The following ROBO1 variants were observed in gnomAD, a reference collection of about 807,000 sequenced individuals.
ROBO1 encodes the protein roundabout homolog 1.
A neutral mutation model predicts 195.9 loss-of-function variants in ROBO1; 149 were observed. That is an observed-to-expected ratio of 0.76 (90% CI 0.67 to 0.87). The LOEUF (loss-of-function observed/expected upper bound fraction) is 0.87, where lower values mean the gene tolerates loss of function less well. Among genes scored for constraint, ROBO1 ranks in the 40% least tolerant of loss-of-function variants. The pLI, the probability that ROBO1 is intolerant of heterozygous loss-of-function variation, is 0.00. For missense variants in ROBO1, 1,933 were observed against 2,068.3 expected (o/e 0.93, Z 1.27); for synonymous variants, 816 against 733.2 (o/e 1.11, Z -1.82).
intron 2 of ROBO1, among the ~76,000 whole-genome samples, chr3:79,187,789 AC>A (rs2081467554): frequency 6.6e-6 from 1 of 152,146 alleles, no homozygotes; most frequent in Middle Eastern, 3.4e-3. Flanking sequence ...ATTCACAGAA[AC>A]AAACCTGAAT....
chr3:78,642,463 T>A (rs1420380946), intron 21 of ROBO1, among the ~76,000 whole-genome samples: 2 of 152,170 alleles, frequency 1.3e-5, no homozygotes, highest in East Asian at 3.9e-4. Flanking sequence ...AAGGGCTAGA[T>A]CTCAGAATTG....
intron 1 of ROBO1, among the ~76,000 whole-genome samples, chr3:79,711,254 G>T (rs548396515): frequency 6.6e-6 from 1 of 152,140 alleles, no homozygotes; most frequent in South Asian, 2.1e-4. Flanking sequence ...GTTTCCTTGT[G>T]CATAATACAG....
chr3:79,615,938 C>A (rs897805143), intron 1 of ROBO1, among the ~76,000 whole-genome samples: 16 of 152,138 alleles, frequency 1.1e-4, no homozygotes, highest in African/African-American at 3.6e-4. Flanking sequence ...AGTTACAGGC[C>A]CAAGGGAAAA....
intron 4 of ROBO1, among the ~76,000 whole-genome samples, chr3:78,887,912 A>G (rs981944484): frequency 7.2e-5 from 11 of 152,084 alleles, no homozygotes; most frequent in Admixed American, 3.9e-4. Context: ...GATACTCAGC[A>G]TCTCCCCAGG....
chr3:79,433,975 C>T (rs1165218771), intron 2 of ROBO1, among the ~76,000 whole-genome samples: 1 of 152,172 alleles, frequency 6.6e-6, no homozygotes. Context: ...AAAGGATTCC[C>T]TATTTAATAA....
At chr3:79,158,284 A>G (rs2080893423) in intron 2 of ROBO1, among the ~76,000 whole-genome samples, 1 of 151,110 alleles carries the variant, frequency 6.6e-6, no homozygotes, top group Admixed American at 6.6e-5. Flanking sequence ...GTTTTAAAAT[A>G]TATTCATTTA....
intron 2 of ROBO1, among the ~76,000 whole-genome samples, chr3:79,503,507 C>T (rs1306746611): frequency 2.0e-5 from 3 of 152,180 alleles, no homozygotes; most frequent in Admixed American, 1.3e-4. Context: ...TACCAGAAAA[C>T]TCTTAGGGAA....
At chr3:79,338,378 T>C (rs953229439) in intron 2 of ROBO1, among the ~76,000 whole-genome samples, 1 of 152,204 alleles carries the variant, frequency 6.6e-6, no homozygotes, top group African/African-American at 2.4e-5. Flanking sequence ...TGTAAGTGCC[T>C]ATTTGCCCAC....
In ROBO1 at chr3:79,409,891, T is replaced by C. The variant is rs116214883; in HGVS notation, c.88+179933A>G. On this transcript the variant is annotated intron_variant, in intron 2 of 30. Coordinates refer to ENST00000464233, the MANE Select transcript of ROBO1 (RefSeq NM_002941.4). ...TATCACAATTGCTGCATTCTTACCA[T>C]CTCACCTCAACTTTCAATTTTTTTT... Among the ~76,000 whole-genome samples the C allele has an allele frequency of 8.4e-3, 1,277 of 152,240 alleles. 21 individuals carry two copies. The highest frequency in any genetic ancestry group is 0.029 in the African/African-American group (1,213 of 41,552).
Position 78,965,140 on chromosome 3 carries a change from G to A in ROBO1, c.173-26213C>T, listed in dbSNP as rs528477154. On this transcript the variant is annotated intron_variant, in intron 3 of 30. Transcript: ENST00000464233. ...TAAACATAGAGTTTACTATTTCAAGGACTATATGTTTCACATTATAATCAA... is the reference window on the plus strand; with the variant it reads ...TAAACATAGAGTTTACTATTTCAAGAACTATATGTTTCACATTATAATCAA... 1.7e-3 allele frequency among the ~76,000 whole-genome samples: 265 copies of A among 151,772 alleles called. 1 individual carries two copies. Among genetic ancestry groups the A allele is most frequent in the Middle Eastern group, 3.4e-3 (1 of 292 alleles).
intron 2 of ROBO1, among the ~76,000 whole-genome samples, chr3:79,156,955 G>A (rs1464248508): frequency 6.6e-6 from 1 of 151,834 alleles, no homozygotes; most frequent in Non-Finnish European, 1.5e-5. Context: ...TTCTTTCAGA[G>A]AGCACACTTC....
intron 4 of ROBO1, among the ~76,000 whole-genome samples, chr3:78,757,457 TCACA>T (rs1240823081): frequency 1.5e-5 from 2 of 134,636 alleles, no homozygotes; most frequent in East Asian, 2.2e-4. Context: ...ACACACACAC[TCACA>T]AACTCACACT....
intron 1 of ROBO1, among the ~76,000 whole-genome samples, chr3:79,591,660 G>T (rs749024199): frequency 1.9e-4 from 29 of 151,840 alleles, no homozygotes; most frequent in Admixed American, 7.9e-4. Flanking sequence ...TCCATACTAT[G>T]CAGTTATTAG....
At chr3:79,310,295 T>A (rs2033420883) in intron 2 of ROBO1, among the ~76,000 whole-genome samples, 1 of 152,176 alleles carries the variant, frequency 6.6e-6, no homozygotes, top group South Asian at 2.1e-4. Context: ...GCTGCTAGTA[T>A]GGAAGAACCT....
At chr3:79,652,199 A>C (rs1946030856) in intron 1 of ROBO1, among the ~76,000 whole-genome samples, 1 of 152,098 alleles carries the variant, frequency 6.6e-6, no homozygotes, top group African/African-American at 2.4e-5. Flanking sequence ...TCTTGGTGAG[A>C]TTCTCCAGGG....
At chr3:79,225,633 G>A (rs2082214307) in intron 2 of ROBO1, among the ~76,000 whole-genome samples, 1 of 152,018 alleles carries the variant, frequency 6.6e-6, no homozygotes, top group Admixed American at 6.6e-5. Context: ...GTATTTCAGG[G>A]GCTGGCTAAT....
rs1261642064 is a variant in ROBO1 at position 78,749,839 on chromosome 3, A to G, written c.500-2939T>C. On this transcript the variant is annotated intron_variant, in intron 4 of 30. Transcript: ENST00000464233. Reference sequence around the variant, plus strand: ...TAACCATTTCTATTAACCAAAGTATATATACTTTTAATGTTTCTTGATTTG... The same window carrying G: ...TAACCATTTCTATTAACCAAAGTATGTATACTTTTAATGTTTCTTGATTTG... 5.3e-5 allele frequency among the ~76,000 whole-genome samples: 8 copies of G among 152,278 alleles called. No homozygotes were observed. In the East Asian group the frequency reaches 1.2e-3, roughly 22 times the overall value.
rs199647716 is a variant in ROBO1 at position 79,609,273 on chromosome 3, G to GA, written c.-50-19313dup. Among the ~76,000 whole-genome samples the GA allele has an allele frequency of 7.1e-3, 999 of 141,402 alleles. 8 individuals carry two copies. The highest frequency in any genetic ancestry group is 0.022 in the African/African-American group (857 of 38,576). The allele number at this position is 141,402 out of a possible 152,430, so 92.8% of individuals were successfully genotyped here. A position where few individuals can be genotyped will look rare whatever the true frequency, so the allele number is the denominator to read the frequency against. ...GTTTGTCTTGCTAGCAACTTCTAAGGAAAAAAAAAACTGAAAAAAAAATTA... is the reference window on the plus strand; with the variant it reads ...GTTTGTCTTGCTAGCAACTTCTAAGGAAAAAAAAAAACTGAAAAAAAAATTA... On this transcript the variant is annotated intron_variant, in intron 1 of 30. Transcript: ENST00000464233.
At chr3:78,618,590 C>A (rs1434966421) in intron 26 of ROBO1, among the ~76,000 whole-genome samples, 5 of 151,834 alleles carry the variant, frequency 3.3e-5, no homozygotes, top group Non-Finnish European at 7.4e-5. Flanking sequence ...GACATAATTT[C>A]CTTTAGATTT....
Sources: gnomAD v4.1 joint callset for allele counts (sites outside exome capture counted in the v4.1 genomes callset) on GRCh38, gnomAD v4.1.1 for gene constraint, MANE v1.5 for transcripts, NCBI Gene and HGNC (gene_info 2026-07-23, HGNC 2026-07-21) for gene names.